The following KDM4C variants were observed in gnomAD, a reference collection of about 807,000 sequenced individuals.
KDM4C encodes lysine demethylase 4C.
In KDM4C, 81 loss-of-function variants were observed where a neutral mutation model predicts 129.3. The observed-to-expected ratio is 0.63, with a 90% CI of 0.52 to 0.75. The LOEUF is 0.75. KDM4C is among the 30% of genes least tolerant of loss of function. The probability of loss-of-function intolerance (pLI) is 0.00; values close to 1 mark genes in which losing one functional copy is unlikely to be tolerated. For synonymous variants in KDM4C, 573 were observed against 456.1 expected, an observed-to-expected ratio of 1.26 and a Z score of -3.26; for missense variants, 1,457 against 1,304.0, an observed-to-expected ratio of 1.12 and a Z score of -1.81.
chr9:7,086,596 C>G (rs1835142864), intron 17 of KDM4C, among the ~76,000 whole-genome samples: 1 of 152,182 alleles, frequency 6.6e-6, no homozygotes, highest in South Asian at 2.1e-4. Context: ...GGGCACCACC[C>G]TGTTCAGCCT....
At chr9:6,840,843 G>A (rs1162091443) in intron 4 of KDM4C, among the ~76,000 whole-genome samples, 6 of 152,340 alleles carry the variant, frequency 3.9e-5, no homozygotes, top group African/African-American at 1.4e-4. Context: ...TATGTGAGAT[G>A]GTGGTGCATG....
At chr9:6,887,546 G>A (rs1190636849) in intron 6 of KDM4C, among the ~76,000 whole-genome samples, 2 of 152,142 alleles carry the variant, frequency 1.3e-5, no homozygotes, top group African/African-American at 4.8e-5. Context: ...AGTGCTTCAG[G>A]AATGCATACT....
At chr9:6,772,868 G>C (rs908838787) in intron 1 of KDM4C, among the ~76,000 whole-genome samples, 3 of 143,946 alleles carry the variant, frequency 2.1e-5, no homozygotes, top group Admixed American at 7.0e-5. Context: ...GCCAATTTTT[G>C]TATTTTTAGT....
chr9:6,872,093 T>C (rs972680015), intron 5 of KDM4C, among the ~76,000 whole-genome samples: 1 of 152,170 alleles, frequency 6.6e-6, no homozygotes, highest in South Asian at 2.1e-4. Flanking sequence ...ATGTGAGTGA[T>C]AGAATAATTC....
At chr9:6,771,624 T>A (rs955652896) in intron 1 of KDM4C, among the ~76,000 whole-genome samples, 3 of 152,198 alleles carry the variant, frequency 2.0e-5, no homozygotes, top group African/African-American at 7.2e-5. Context: ...ATTTCAAATT[T>A]AAGGCTTAGT....
At chr9:7,105,439 G>A (rs1230235676) in intron 18 of KDM4C, 2 of 470,810 alleles carry the variant, frequency 4.2e-6, no homozygotes, top group South Asian at 3.1e-5. Context: ...AATGAAAGTT[G>A]TATTGCTACT....
At chr9:6,830,987 G>T (rs180796101) in intron 4 of KDM4C, among the ~76,000 whole-genome samples, 2 of 152,276 alleles carry the variant, frequency 1.3e-5, no homozygotes, top group African/African-American at 4.8e-5. Context: ...GATTTTCCAG[G>T]TATTAGTGGT....
chr9:7,115,789 A>C (rs1213018858), intron 18 of KDM4C, among the ~76,000 whole-genome samples: 4 of 152,378 alleles, frequency 2.6e-5, no homozygotes, highest in African/African-American at 9.6e-5. Context: ...GCCTCTTGGC[A>C]GGAAGCCAGT....
intron 8 of KDM4C, among the ~76,000 whole-genome samples, chr9:6,943,203 T>G (rs1042551630): frequency 9.9e-5 from 15 of 152,080 alleles, no homozygotes; most frequent in Non-Finnish European, 1.9e-4. Context: ...TTTTTATTCT[T>G]TTTTTTCTTA....
chr9:6,893,520 C>A lies in KDM4C; in HGVS notation c.921+288C>A, dbSNP rs116862508. 3.7e-3 allele frequency: 776 copies of A among 210,366 alleles called. 5 individuals are homozygous for A. Among genetic ancestry groups the A allele is most frequent in the Admixed American group, 7.1e-3 (120 of 16,950 alleles). 13.0% of individuals were successfully genotyped at this position (210,366 alleles called of 1,614,324 possible). Reference sequence around the variant, plus strand: ...CTTGAGGCCTCCAGTTGGTGTTTTGCAAGATTTTCCAGTGGCATCATGTGG... The same window carrying A: ...CTTGAGGCCTCCAGTTGGTGTTTTGAAAGATTTTCCAGTGGCATCATGTGG... On this transcript the variant is annotated intron_variant, in intron 8 of 21. Coordinates refer to ENST00000381309, the MANE Select transcript of KDM4C (RefSeq NM_015061.6).
At chr9:7,115,643 G>A (rs557014351) in intron 18 of KDM4C, among the ~76,000 whole-genome samples, 51 of 152,266 alleles carry the variant, frequency 3.3e-4, no homozygotes, top group African/African-American at 1.2e-3. Flanking sequence ...TTAACTGCAA[G>A]CAATAGAAAA....
intron 17 of KDM4C, chr9:7,076,495 C>T: frequency 1.3e-6 from 2 of 1,549,484 alleles, no homozygotes; most frequent in Non-Finnish European, 1.7e-6. Context: ...TGAAGGCTCA[C>T]TGTGAAAACA....
Position 6,806,722 on chromosome 9 carries a change from G to T in KDM4C, c.320+948G>T, listed in dbSNP as rs182267376. Among the ~76,000 whole-genome samples the T allele has an allele frequency of 1.1e-3, 166 of 152,098 alleles. 1 individual carries two copies. Among genetic ancestry groups the T allele is most frequent in the African/African-American group, 3.7e-3 (154 of 41,504 alleles). ...GCTCCCCTTTCATGGCTTTTGATGG[G>T]GTCCTCAGTTCCTTGTCATATGGAC... On this transcript the variant is annotated intron_variant, in intron 3 of 21. Coordinates refer to ENST00000381309, the MANE Select transcript of KDM4C (RefSeq NM_015061.6).
intron 14 of KDM4C, among the ~76,000 whole-genome samples, chr9:7,014,687 C>G (rs1484347636): frequency 2.6e-5 from 4 of 152,106 alleles, no homozygotes; most frequent in African/African-American, 9.7e-5. Context: ...TAGTAACACA[C>G]TTAGGTATGG....
chr9:7,145,024 G>T (rs914630808), intron 19 of KDM4C, among the ~76,000 whole-genome samples: 1 of 152,130 alleles, frequency 6.6e-6, no homozygotes, highest in Admixed American at 6.5e-5. Flanking sequence ...ACCCCTTTGC[G>T]CATCACCTGG....
At chr9:7,116,008 T>C (rs1272084291) in intron 18 of KDM4C, among the ~76,000 whole-genome samples, 1 of 152,086 alleles carries the variant, frequency 6.6e-6, no homozygotes. Flanking sequence ...CCTACACTGG[T>C]GTAGTGGGTC....
chr9:6,749,308 C>G (rs921918452), intron 1 of KDM4C, among the ~76,000 whole-genome samples: 2 of 152,102 alleles, frequency 1.3e-5, no homozygotes, highest in Admixed American at 6.6e-5. Flanking sequence ...CGTGAGCTAC[C>G]AAGCCTGGCC....
intron 17 of KDM4C, among the ~76,000 whole-genome samples, chr9:7,098,073 C>A (rs1177913789): frequency 6.6e-6 from 1 of 152,214 alleles, no homozygotes; most frequent in Non-Finnish European, 1.5e-5. Flanking sequence ...TGGTGTAGTA[C>A]TTTTCACAAA....
intron 1 of KDM4C, among the ~76,000 whole-genome samples, chr9:6,729,204 C>CAAAAAAAAA (rs1186478804): frequency 6.2e-5 from 2 of 32,106 alleles, no homozygotes; most frequent in African/African-American, 2.1e-4. Context: ...GCTCCGTCTC[C>CAAAAAAAAA]AAAAAAAAAA....
Sources: allele counts gnomAD v4.1 joint callset (sites outside exome capture counted in the v4.1 genomes callset), GRCh38; gene constraint gnomAD v4.1.1; transcripts MANE v1.5; gene names NCBI Gene and HGNC (gene_info 2026-07-23, HGNC 2026-07-21).